TTLL13: variants seen among roughly 807,000 people sequenced by gnomAD.
TTLL13 encodes the protein tubulin tyrosine ligase like 13, also known as tubulin polyglutamylase TTLL13.
At chr15:90,260,140 T>C in the TTLL13 span, among the ~76,000 whole-genome samples, 2 of 152,192 alleles carry the variant, frequency 1.3e-5, no homozygotes, top group Non-Finnish European at 2.9e-5. Flanking sequence ...GAAAAATGGT[T>C]GAACAGTACT....
the TTLL13 span, chr15:90,250,580 G>A: frequency 6.4e-7 from 1 of 1,569,936 alleles, no homozygotes; most frequent in Non-Finnish European, 8.6e-7. Context: ...GGAGGTCTGA[G>A]GTCTGATATA....
the TTLL13 span, chr15:90,262,170 A>G: frequency 6.5e-7 from 1 of 1,534,890 alleles, no homozygotes; most frequent in East Asian, 2.4e-5. Flanking sequence ...GCTGCTTCCA[A>G]GGCCAGAGAG....
At chr15:90,259,746 G>T in the TTLL13 span, among the ~76,000 whole-genome samples, 3 of 152,154 alleles carry the variant, frequency 2.0e-5, no homozygotes, top group Admixed American at 6.5e-5. Flanking sequence ...TTGTCATAAA[G>T]AAACACAGAA....
chr15:90,262,597 A>G, the TTLL13 span: 1 of 1,534,296 alleles, frequency 6.5e-7, no homozygotes, highest in Non-Finnish European at 8.7e-7. Context: ...CTGGGGAGAA[A>G]AGCCGACCCA....
chr15:90,255,677 T>A, the TTLL13 span: 1 of 1,598,324 alleles, frequency 6.3e-7, no homozygotes. Context: ...CCAATCCTCC[T>A]CCACTGCTTC....
the TTLL13 span, chr15:90,250,863 G>A: frequency 6.2e-7 from 1 of 1,614,098 alleles, no homozygotes; most frequent in Non-Finnish European, 8.5e-7. Flanking sequence ...GAAGCTGGGA[G>A]GAGGAAGAGA....
At chr15:90,256,555 TTC>T in the TTLL13 span, among the ~76,000 whole-genome samples, 1 of 38,956 alleles carries the variant, frequency 2.6e-5, no homozygotes, top group African/African-American at 1.2e-4. Flanking sequence ...TTTTCTTTCT[TTC>T]TTTCTTTCTT....
chr15:90,259,079 A>G, the TTLL13 span: 1 of 1,452,154 alleles, frequency 6.9e-7, no homozygotes, highest in Non-Finnish European at 9.1e-7. Flanking sequence ...AAAAAATCAC[A>G]GGACCAGGCT....
chr15:90,259,051 A>G, the TTLL13 span: 1 of 1,539,572 alleles, frequency 6.5e-7, no homozygotes, highest in Non-Finnish European at 8.8e-7. Context: ...CATAGATAAT[A>G]TGTTCATATT....
chr15:90,258,162 T>C, the TTLL13 span: 1 of 1,614,238 alleles, frequency 6.2e-7, no homozygotes, highest in Admixed American at 1.7e-5. Flanking sequence ...ACGCCACAAC[T>C]ACCGAACCTG....
chr15:90,257,774 C>G, the TTLL13 span: 1 of 1,558,774 alleles, frequency 6.4e-7, no homozygotes, highest in Non-Finnish European at 8.8e-7. Context: ...GCCCCACAGT[C>G]CCAGTAGCCC....
chr15:90,250,676 G>C, the TTLL13 span: 1 of 1,614,160 alleles, frequency 6.2e-7, no homozygotes, highest in Non-Finnish European at 8.5e-7. Context: ...GGAAGACTAT[G>C]TTGAGGAAAA....
the TTLL13 span, chr15:90,262,859 C>A: frequency 1.5e-6 from 2 of 1,321,330 alleles, no homozygotes; most frequent in Non-Finnish European, 2.0e-6. Flanking sequence ...CTTCCTGGGT[C>A]AGGGAAGGGA....
the TTLL13 span, chr15:90,253,361 G>A: frequency 6.2e-7 from 1 of 1,611,580 alleles, no homozygotes; most frequent in Non-Finnish European, 8.5e-7. Flanking sequence ...ACATGAAGAG[G>A]TTTCAGGTAC....
At chr15:90,257,522 G>C in the TTLL13 span, 3 of 1,063,038 alleles carry the variant, frequency 2.8e-6, no homozygotes, top group Non-Finnish European at 1.4e-6. Context: ...CTCTGGTGGA[G>C]AGAGACAGGA....
At chr15:90,251,613 G>A in the TTLL13 span, 457,783 of 1,609,698 alleles carry the variant, frequency 0.28, 72,842 homozygotes, top group East Asian at 0.66. Flanking sequence ...CCAGCCCGTC[G>A]CTCACACTGT....
the TTLL13 span, chr15:90,249,647 G>A: frequency 6.6e-6 from 1 of 152,228 alleles, no homozygotes; most frequent in Non-Finnish European, 1.5e-5. Flanking sequence ...CGCGATCGTG[G>A]GGACAGCCAG....
the TTLL13 span, among the ~76,000 whole-genome samples, chr15:90,250,448 C>A: frequency 6.6e-6 from 1 of 152,196 alleles, no homozygotes; most frequent in Non-Finnish European, 1.5e-5. Context: ...CATGCACCTC[C>A]ACCTACCTGG....
At chr15:90,260,732 T>C in the TTLL13 span, among the ~76,000 whole-genome samples, 1 of 150,782 alleles carries the variant, frequency 6.6e-6, no homozygotes, top group Non-Finnish European at 1.5e-5. Context: ...ATGCCTGTAA[T>C]CCCAGCTACT....
Sources: gnomAD v4.1 joint callset for allele counts (sites outside exome capture counted in the v4.1 genomes callset) on GRCh38, gnomAD v4.1.1 for gene constraint, MANE v1.5 for transcripts, NCBI Gene and HGNC (gene_info 2026-07-23, HGNC 2026-07-21) for gene names.